GFRA1: variants seen among roughly 807,000 people sequenced by gnomAD.
The protein encoded by GFRA1 is GDNF family receptor alpha 1.
Under a neutral mutation model 51.6 loss-of-function variants are expected in GFRA1, and 16 were observed. The ratio of observed to expected loss-of-function variants is 0.31; its 90% CI spans 0.21 to 0.47. The LOEUF is 0.47. Among genes scored for constraint, GFRA1 ranks in the 20% least tolerant of loss-of-function variants. The pLI is 1.00. For missense variants in GFRA1, 530 were observed against 594.3 expected, an observed-to-expected ratio of 0.89 and a Z score of 1.13; for synonymous variants, 270 against 241.3, an observed-to-expected ratio of 1.12 and a Z score of -1.10.
At chr10:116,201,298 C>T (rs1243151087) in intron 5 of GFRA1, among the ~76,000 whole-genome samples, 1 of 152,144 alleles carries the variant, frequency 6.6e-6, no homozygotes, top group Non-Finnish European at 1.5e-5. Flanking sequence ...ATACTATTCA[C>T]TTGGTAGACA....
chr10:116,189,621 T>C (rs1303810850), intron 5 of GFRA1, among the ~76,000 whole-genome samples: 1 of 152,212 alleles, frequency 6.6e-6, no homozygotes, highest in Non-Finnish European at 1.5e-5. Context: ...GGTTCTGAAA[T>C]TCATTCATTC....
At chr10:116,080,513 TAAAA>T (rs1252414750) in intron 9 of GFRA1, among the ~76,000 whole-genome samples, 1 of 152,180 alleles carries the variant, frequency 6.6e-6, no homozygotes, top group Non-Finnish European at 1.5e-5. Flanking sequence ...ATTTAAAAAA[TAAAA>T]GAAGTTTCAC....
At chr10:116,246,427 G>A (rs7896436) in intron 4 of GFRA1, among the ~76,000 whole-genome samples, 151,900 of 152,294 alleles carry the variant, frequency 1, 75,755 homozygotes, top group Non-Finnish European at 1. Context: ...GCAAGACTCC[G>A]TCTCTAAATA....
At chr10:116,210,727 T>C (rs553745598) in intron 5 of GFRA1, among the ~76,000 whole-genome samples, 3 of 152,192 alleles carry the variant, frequency 2.0e-5, no homozygotes, top group Admixed American at 6.5e-5. Flanking sequence ...GCCTGTAAGA[T>C]TATTTGGAAG....
intron 3 of GFRA1, 50 bp downstream of exon 3, chr10:116,270,772 C>G: frequency 6.5e-7 from 1 of 1,527,034 alleles, no homozygotes; most frequent in Non-Finnish European, 9.0e-7. Flanking sequence ...GAAAGGCCCG[C>G]CTGCCTTCGG....
intron 5 of GFRA1, among the ~76,000 whole-genome samples, chr10:116,165,086 G>A (rs7078730): frequency 0.44 from 67,289 of 151,890 alleles, 14,998 homozygotes; most frequent in African/African-American, 0.5. Flanking sequence ...CTGGAAACAC[G>A]GAGCTCCTAA....
chr10:116,238,032 C>G (rs1404189768), intron 4 of GFRA1, among the ~76,000 whole-genome samples: 2 of 152,164 alleles, frequency 1.3e-5, no homozygotes, highest in Non-Finnish European at 2.9e-5. Flanking sequence ...CTCTGAAAAC[C>G]CTCAACTGCT....
chr10:116,095,508 G>T (rs1956533479), intron 7 of GFRA1, among the ~76,000 whole-genome samples: 1 of 152,272 alleles, frequency 6.6e-6, no homozygotes, highest in East Asian at 1.9e-4. Flanking sequence ...TGCAAGTTTG[G>T]AGTATTGGCT....
chr10:116,064,096 T>TGATGATCATCATCATGATCAG lies in GFRA1; in HGVS notation c.*301_*302insCTGATCATGATGATGATCATC. 3.6e-6 allele frequency: 1 copy of TGATGATCATCATCATGATCAG among 274,694 alleles called. No individual in the cohort carries two copies. The highest frequency in any genetic ancestry group is 6.7e-6 in the Non-Finnish European group (1 of 149,002). 17.0% of individuals were successfully genotyped at this position (274,694 alleles called of 1,614,324 possible). On this transcript the variant is annotated 3_prime_UTR_variant, in exon 11 of 11. Transcript: ENST00000355422. ...ATCATGATGATCATCATCATGATCA[T>TGATGATCATCATCATGATCAG]CATCATCATCGAAAACACAGCCCCA...
intron 7 of GFRA1, among the ~76,000 whole-genome samples, chr10:116,095,826 G>C (rs1956547046): frequency 6.6e-6 from 1 of 152,146 alleles, no homozygotes; most frequent in Non-Finnish European, 1.5e-5. Context: ...GAGCCATCGT[G>C]CTTCTGACAA....
intron 6 of GFRA1, among the ~76,000 whole-genome samples, chr10:116,121,218 C>T (rs1031409508): frequency 2.6e-5 from 4 of 152,188 alleles, no homozygotes; most frequent in East Asian, 1.9e-4. Context: ...TGCTTCCATT[C>T]GGCCCAAACC....
intron 5 of GFRA1, among the ~76,000 whole-genome samples, chr10:116,152,190 T>C (rs1959090102): frequency 6.6e-6 from 1 of 152,178 alleles, no homozygotes. Flanking sequence ...ATTCATGTTT[T>C]AAAGAGATAA....
intron 5 of GFRA1, among the ~76,000 whole-genome samples, chr10:116,194,984 T>C (rs1262422305): frequency 6.6e-6 from 1 of 152,196 alleles, no homozygotes; most frequent in Non-Finnish European, 1.5e-5. Context: ...ATACAGTCTT[T>C]GTGGAAACCA....
chr10:116,143,605 G>A (rs1958667613), intron 5 of GFRA1, among the ~76,000 whole-genome samples: 1 of 151,978 alleles, frequency 6.6e-6, no homozygotes, highest in Non-Finnish European at 1.5e-5. Context: ...TAGATTTATG[G>A]AGAGAGAAAA....
At chr10:116,108,081 G>A (rs1168128691) in intron 6 of GFRA1, among the ~76,000 whole-genome samples, 4 of 152,046 alleles carry the variant, frequency 2.6e-5, no homozygotes, top group Admixed American at 6.6e-5. Flanking sequence ...GGTGGTGAAT[G>A]GATTTCTGAA....
At chr10:116,192,989 C>A (rs932944258) in intron 5 of GFRA1, among the ~76,000 whole-genome samples, 1 of 152,106 alleles carries the variant, frequency 6.6e-6, no homozygotes, top group Non-Finnish European at 1.5e-5. Flanking sequence ...ACAACTCCTA[C>A]CCCCTCCATC....
chr10:116,181,876 C>G (rs1241223894), intron 5 of GFRA1, among the ~76,000 whole-genome samples: 2 of 152,170 alleles, frequency 1.3e-5, no homozygotes, highest in Non-Finnish European at 2.9e-5. Flanking sequence ...ATCTCCTGAC[C>G]TCGTGATCCA....
intron 4 of GFRA1, among the ~76,000 whole-genome samples, chr10:116,239,535 T>C (rs1967178710): frequency 6.6e-6 from 1 of 152,108 alleles, no homozygotes; most frequent in African/African-American, 2.4e-5. Context: ...TCCAAAATAA[T>C]AACATTCAAT....
intron 10 of GFRA1, among the ~76,000 whole-genome samples, chr10:116,065,048 TTCCCCAGGATAGAG>T (rs1955034200): frequency 6.6e-6 from 1 of 152,152 alleles, no homozygotes; most frequent in South Asian, 2.1e-4. Context: ...ACAGCTGTCC[TTCCCCAGGATAGAG>T]TCCTCCATCC....
Sources: allele counts gnomAD v4.1 joint callset (sites outside exome capture counted in the v4.1 genomes callset), GRCh38; gene constraint gnomAD v4.1.1; transcripts MANE v1.5; gene names NCBI Gene and HGNC (gene_info 2026-07-23, HGNC 2026-07-21).